DNAH8: variants seen among roughly 807,000 people sequenced by gnomAD.
The protein encoded by DNAH8 is axonemal beta dynein heavy chain 8.
A neutral mutation model predicts 562.1 loss-of-function variants in DNAH8; 382 were observed. That is an observed-to-expected ratio of 0.68 (90% CI 0.63 to 0.74). The LOEUF (loss-of-function observed/expected upper bound fraction) is 0.74, where lower values mean the gene tolerates loss of function less well. DNAH8 is among the 30% of genes least tolerant of loss of function. The pLI, the probability that DNAH8 is intolerant of heterozygous loss-of-function variation, is 0.00. For missense variants in DNAH8, 5,203 were observed against 5,620.4 expected, an observed-to-expected ratio of 0.93 and a Z score of 2.37; for synonymous variants, 1,881 against 1,919.4, an observed-to-expected ratio of 0.98 and a Z score of 0.52.
At chr6:38,747,778 A>G (rs1765085849) in intron 8 of DNAH8, among the ~76,000 whole-genome samples, 1 of 152,130 alleles carries the variant, frequency 6.6e-6, no homozygotes, top group Non-Finnish European at 1.5e-5. Context: ...CTATGTTTTC[A>G]TCCTTTGGTA....
At chr6:38,942,223 A>C (rs1783522413) in intron 79 of DNAH8, among the ~76,000 whole-genome samples, 1 of 152,226 alleles carries the variant, frequency 6.6e-6, no homozygotes, top group African/African-American at 2.4e-5. Context: ...GATACCGTGC[A>C]ATACGAGTGG....
At chr6:38,923,243 A>T in intron 72 of DNAH8, 58 bp downstream of exon 72, 1 of 1,593,846 alleles carries the variant, frequency 6.3e-7, no homozygotes. Context: ...GAGAACATAA[A>T]GTCCATTTCC....
chr6:38,831,157 G>A (rs1264028770), intron 30 of DNAH8, among the ~76,000 whole-genome samples: 1 of 152,088 alleles, frequency 6.6e-6, no homozygotes, highest in Non-Finnish European at 1.5e-5. Flanking sequence ...GAGCATGGTG[G>A]CTCACACTTG....
At chr6:38,856,906 T>G (rs1776248798) in intron 41 of DNAH8, among the ~76,000 whole-genome samples, 1 of 152,066 alleles carries the variant, frequency 6.6e-6, no homozygotes, top group African/African-American at 2.4e-5. Context: ...TCAGACCACT[T>G]TTATTACCTT....
chr6:38,758,260 A>T (rs1253587050), intron 10 of DNAH8, among the ~76,000 whole-genome samples: 1 of 151,738 alleles, frequency 6.6e-6, no homozygotes, highest in Non-Finnish European at 1.5e-5. Flanking sequence ...TGTAAGTTGG[A>T]TTCCTAGGTA....
At position 38,778,442 on chromosome 6, in the gene DNAH8, C is replaced by A; in HGVS notation, c.2017C>A (p.Gln673Lys). The A allele has an allele frequency of 6.3e-7, 1 of 1,594,508 alleles. No homozygotes were observed. The highest frequency in any genetic ancestry group is 1.1e-5 in the South Asian group (1 of 89,788). Residue 673 changes from glutamine to lysine, a missense_variant, in exon 14 of 93, where the codon CAG (glutamine) becomes AAG (lysine). This residue lies in a region of DNAH8 where 2,176 missense variants were observed against 2,365.1 expected (regional missense o/e 0.92). Transcript: ENST00000327475. ...SSFGKILSSQQALQLLQRFQK... is the reference protein window; with the variant it reads ...SSFGKILSSQKALQLLQRFQK... ...TTTTGGGAAAATCTTATCTTCTCAG[C>A]AGGCTCTTCAGCTACTTCAAAGGTA...
chr6:38,905,928 A>G (rs1780428588), intron 62 of DNAH8, among the ~76,000 whole-genome samples: 1 of 151,970 alleles, frequency 6.6e-6, no homozygotes, highest in Non-Finnish European at 1.5e-5. Flanking sequence ...TGTTTTAAGA[A>G]GGAGTCTCAC....
chr6:38,890,555 C>T (rs1032753746), intron 57 of DNAH8, 97 bp from the exon 58 acceptor site: 21 of 867,620 alleles, frequency 2.4e-5, no homozygotes, highest in Non-Finnish European at 3.8e-5. Flanking sequence ...GAACAACACC[C>T]AGCTTAGTCA....
chr6:38,969,747 G>A (rs1341295168), intron 82 of DNAH8, among the ~76,000 whole-genome samples: 1 of 151,978 alleles, frequency 6.6e-6, no homozygotes, highest in African/African-American at 2.4e-5. Flanking sequence ...GCAGTAGCAG[G>A]GACTGATTGT....
chr6:38,851,579 G>C lies in DNAH8; in HGVS notation c.5371G>C (p.Glu1791Gln), dbSNP rs1775747986. ...VCQKSLTGYL[E>Q]KKRLLFPRFF... ...TGTCGACTTTATTTGAAGGTATTTG[G>C]AGAAGAAACGATTACTGTTTCCAAG... is the stretch of plus-strand genomic sequence containing the variant. Residue 1791 changes from glutamate to glutamine, a missense_variant, in exon 39 of 93, where the codon GAG (glutamate) becomes CAG (glutamine). Glu to Gln is a conservative substitution (Grantham distance 29, BLOSUM62 2). This residue lies in a region of DNAH8 where 2,176 missense variants were observed against 2,365.1 expected (regional missense o/e 0.92). Transcript: ENST00000327475. The C allele has an allele frequency of 1.3e-6, 2 of 1,599,644 alleles. No homozygotes were observed. The highest frequency in any genetic ancestry group is 1.7e-6 in the Non-Finnish European group (2 of 1,173,874).
At chr6:38,814,163 A>G (rs1312860261) in intron 25 of DNAH8, 34 bp downstream of exon 25, 1 of 1,247,956 alleles carries the variant, frequency 8.0e-7, no homozygotes, top group East Asian at 2.4e-5. Flanking sequence ...TAATTTGATA[A>G]GGTGCTTAAG....
intron 83 of DNAH8, among the ~76,000 whole-genome samples, chr6:38,972,888 C>A (rs1474237791): frequency 1.3e-5 from 2 of 152,194 alleles, no homozygotes; most frequent in Non-Finnish European, 2.9e-5. Context: ...GGCACATCCC[C>A]TTTACTAGTT....
At chr6:38,789,984 C>G (rs532564414) in intron 19 of DNAH8, 101 bp downstream of exon 19, 22 of 828,872 alleles carry the variant, frequency 2.7e-5, no homozygotes, top group Non-Finnish European at 3.8e-5. Context: ...TCTTTAGACC[C>G]TCCATCTTTC....
intron 79 of DNAH8, among the ~76,000 whole-genome samples, chr6:38,943,942 T>C (rs1233319115): frequency 6.6e-6 from 1 of 152,150 alleles, no homozygotes; most frequent in Non-Finnish European, 1.5e-5. Context: ...TGTTTTTTTG[T>C]TCAAGTTTAT....
rs1381569339 is a variant in DNAH8, at chr6:39,026,356, T to C, written c.13715-190T>C. Among the ~76,000 whole-genome samples the C allele has an allele frequency of 2.6e-5, 4 of 152,240 alleles. No individual in the cohort carries two copies. In the East Asian group the frequency reaches 5.8e-4, roughly 22 times the overall value. ...CTGCTGTCAGCAGGCGAGAAAGATTTAGCTCATTGCAGGTCCCCACAGAAA... is the reference window on the plus strand; with the variant it reads ...CTGCTGTCAGCAGGCGAGAAAGATTCAGCTCATTGCAGGTCCCCACAGAAA... On this transcript the variant is annotated intron_variant, in intron 91 of 92. Transcript: ENST00000327475.
At chr6:38,833,649 A>G (rs1489607503) in intron 31 of DNAH8, among the ~76,000 whole-genome samples, 10 of 152,216 alleles carry the variant, frequency 6.6e-5, no homozygotes. Flanking sequence ...TAGACCAAAG[A>G]AGACAACTTT....
In DNAH8 at chr6:39,008,377, G is replaced by A. The variant is rs1193243201; in HGVS notation, c.13215-437G>A. On this transcript the variant is annotated intron_variant, in intron 88 of 92. Coordinates refer to ENST00000327475, the MANE Select transcript of DNAH8 (RefSeq NM_001206927.2). ...AGAAAAGACGAAAATATTTTAATAG[G>A]TTATAACTCAGTGAGGAAATATGAA... Among the ~76,000 whole-genome samples the A allele has an allele frequency of 5.9e-5, 9 of 151,982 alleles. No individual in the cohort carries two copies. The South Asian group carries it at 1.7e-3, about 28-fold the overall frequency.
Position 38,870,722 on chromosome 6 carries a change from T to C in DNAH8, c.6990+160T>C, listed in dbSNP as rs191395650. Reference sequence around the variant, plus strand: ...AAGAATACTTGGAAGGATGTGGTGGTCCTAGGAAGATAGTATGGATTTACC... The same window carrying C: ...AAGAATACTTGGAAGGATGTGGTGGCCCTAGGAAGATAGTATGGATTTACC... On this transcript the variant is annotated intron_variant, in intron 49 of 92. Coordinates refer to ENST00000327475, the MANE Select transcript of DNAH8 (RefSeq NM_001206927.2). Among the ~76,000 whole-genome samples the C allele has an allele frequency of 3.2e-3, 480 of 152,296 alleles. 2 individuals are homozygous for C. The highest frequency in any genetic ancestry group is 5.6e-3 in the Non-Finnish European group (378 of 68,020).
intron 45 of DNAH8, among the ~76,000 whole-genome samples, chr6:38,864,313 C>T (rs941467842): frequency 1.3e-5 from 2 of 152,056 alleles, no homozygotes; most frequent in Non-Finnish European, 2.9e-5. Flanking sequence ...TGTTTATTGA[C>T]CACATAGTAT....
Sources: gnomAD v4.1 joint callset for allele counts (sites outside exome capture counted in the v4.1 genomes callset) on GRCh38, gnomAD v4.1.1 for gene constraint, gnomAD v4.1.1 regional missense constraint, MANE v1.5 for transcripts, NCBI Gene and HGNC (gene_info 2026-07-23, HGNC 2026-07-21) for gene names.